KDM4B: variants seen among roughly 807,000 people sequenced by gnomAD.
KDM4B encodes the protein lysine demethylase 4B, also known as lysine-specific demethylase 4B.
KDM4B carries 32 observed loss-of-function variants against 125.2 expected under a neutral mutation model. The observed-to-expected ratio is 0.26, with a 90% CI of 0.19 to 0.34. KDM4B has a LOEUF of 0.34. Among genes scored for constraint, KDM4B ranks in the 10% least tolerant of loss-of-function variants. The probability of loss-of-function intolerance (pLI) is 1.00; values close to 1 mark genes in which losing one functional copy is unlikely to be tolerated. For missense variants in KDM4B, 1,190 were observed against 1,577.7 expected (o/e 0.75, Z 4.16); for synonymous variants, 721 against 677.9 (o/e 1.06, Z -0.99).
intron 6 of KDM4B, among the ~76,000 whole-genome samples, chr19:5,065,850 C>T (rs1035822900): frequency 3.3e-5 from 5 of 152,226 alleles, no homozygotes; most frequent in South Asian, 2.1e-4. Flanking sequence ...TGGGGAATGG[C>T]GCGAGCAGAA....
chr19:5,034,494 C>T (rs1042566493), intron 3 of KDM4B, among the ~76,000 whole-genome samples: 5 of 152,222 alleles, frequency 3.3e-5, no homozygotes, highest in East Asian at 1.9e-4. Context: ...ATTGTTTTCA[C>T]GTCTTCTGCT....
At chr19:5,023,851 T>A (rs2036199522) in intron 2 of KDM4B, among the ~76,000 whole-genome samples, 1 of 142,194 alleles carries the variant, frequency 7.0e-6, no homozygotes, top group African/African-American at 2.6e-5. Flanking sequence ...GCAGCCTCGA[T>A]CTCCTGTGCT....
intron 1 of KDM4B, among the ~76,000 whole-genome samples, chr19:4,985,272 C>T (rs558329597): frequency 6.6e-5 from 10 of 152,192 alleles, no homozygotes; most frequent in Admixed American, 2.0e-4. Context: ...TGCAGTGAGC[C>T]GAGATCGCGC....
intron 2 of KDM4B, among the ~76,000 whole-genome samples, chr19:5,027,820 C>T (rs1260485933): frequency 6.6e-6 from 1 of 152,146 alleles, no homozygotes; most frequent in Non-Finnish European, 1.5e-5. Context: ...GGATTACAGG[C>T]GTGAGCCACC....
At chr19:5,056,530 C>T (rs977898157) in intron 6 of KDM4B, among the ~76,000 whole-genome samples, 16 of 151,904 alleles carry the variant, frequency 1.1e-4, no homozygotes, top group East Asian at 5.8e-4. Context: ...CTCAGCCTCA[C>T]GAGTAGCTGA....
chr19:5,019,806 C>T, intron 2 of KDM4B, among the ~76,000 whole-genome samples: 1 of 115,364 alleles, frequency 8.7e-6, no homozygotes, highest in African/African-American at 3.5e-5. Flanking sequence ...CGTTGGTGTG[C>T]AGGTGCTGCT....
rs764986495 is a variant in KDM4B at position 5,100,668 on chromosome 19, G to A, written c.919-9954G>A. Among the ~76,000 whole-genome samples the A allele has an allele frequency of 4.6e-5, 7 of 152,152 alleles. No homozygotes were observed. The South Asian group carries it at 8.3e-4, about 18-fold the overall frequency. ...TGACCTCAAGTGATCCTCTCGCCTC[G>A]GCCTCTCAAAGTGCTGGGATTAAGG... On this transcript the variant is annotated intron_variant, in intron 9 of 22. Transcript: ENST00000159111.
chr19:5,063,667 G>A (rs1464592301), intron 6 of KDM4B, among the ~76,000 whole-genome samples: 1 of 152,236 alleles, frequency 6.6e-6, no homozygotes, highest in African/African-American at 2.4e-5. Flanking sequence ...AGGGACCGTG[G>A]CTCTCTGGTC....
Position 5,138,123 on chromosome 19 carries a change from C to T in KDM4B, c.2550+53C>T, listed in dbSNP as rs1178996941. On this transcript the variant is annotated intron_variant, in intron 18 of 22. Transcript: ENST00000159111. ...TGCCCGTGCCTCTAGGGCTGCCGGCCATGCTCGGCTCCCCACCTGCGCGAT... is the reference window on the plus strand; with the variant it reads ...TGCCCGTGCCTCTAGGGCTGCCGGCTATGCTCGGCTCCCCACCTGCGCGAT... The T allele has an allele frequency of 2.2e-6, 3 of 1,386,388 alleles. No individual in the cohort carries two copies. In the East Asian group the frequency reaches 7.1e-5, roughly 33 times the overall value. 85.9% of individuals were successfully genotyped at this position (1,386,388 alleles called of 1,614,324 possible). A position where few individuals can be genotyped will look rare whatever the true frequency, so the allele number is the denominator to read the frequency against.
chr19:5,058,589 G>C (rs1315145697), intron 6 of KDM4B, among the ~76,000 whole-genome samples: 1 of 151,752 alleles, frequency 6.6e-6, no homozygotes, highest in African/African-American at 2.4e-5. Context: ...TGGGAGCCGG[G>C]GCTGGCTCTG....
At chr19:5,111,621 T>A in intron 10 of KDM4B, 1 of 703,922 alleles carries the variant, frequency 1.4e-6, no homozygotes. Context: ...TTGGCACAGT[T>A]GTCGACAGAT....
intron 10 of KDM4B, chr19:5,111,767 C>CT (rs756818060): frequency 1.3e-6 from 1 of 765,190 alleles, no homozygotes; most frequent in Non-Finnish European, 2.4e-6. Flanking sequence ...GACTTGGCGA[C>CT]TTTGCAGGCC....
Position 5,050,095 on chromosome 19 carries a change from C to G in KDM4B, c.626+2426C>G, listed in dbSNP as rs141073265. ...CGTCTGTCTCCCTCATTACACTGTT[C>G]CGCTTGCATCTGCAGCCGCTTAATT... On this transcript the variant is annotated intron_variant, in intron 6 of 22. Coordinates refer to ENST00000159111, the MANE Select transcript of KDM4B (RefSeq NM_015015.3). Among the ~76,000 whole-genome samples the G allele has an allele frequency of 9.1e-3, 1,383 of 152,348 alleles. 12 individuals carry two copies. Among genetic ancestry groups the G allele is most frequent in the Non-Finnish European group, 0.015 (1,054 of 68,038 alleles).
At chr19:4,976,241 C>G (rs1422311614) in intron 1 of KDM4B, among the ~76,000 whole-genome samples, 2 of 130,426 alleles carry the variant, frequency 1.5e-5, no homozygotes, top group African/African-American at 5.9e-5. Context: ...AAGAGGGAAA[C>G]TCAGTCTCAA....
At position 5,119,851 on chromosome 19, in the gene KDM4B, AG is replaced by A; in HGVS notation, c.1315+1del. 1 of 1,546,320 alleles carries A rather than the reference AG, an allele frequency of 6.5e-7. No individual in the cohort carries two copies. The highest frequency in any genetic ancestry group is 1.2e-5 in the South Asian group (1 of 83,780). ...ACGGCCGGGAGGCCGAGGGCGCAGA[AG>A]GTCAGTCCCTGCCGGGCCAGGCCTG... ...PHGREAEGAE[E>X]DGRGKLRPTK... is the part of the protein sequence containing the mutation. On this transcript the variant is annotated frameshift_variant and splice_region_variant, in exon 11 of 23. Transcript: ENST00000159111. LOFTEE classifies it high-confidence loss of function.
intron 2 of KDM4B, among the ~76,000 whole-genome samples, chr19:5,017,810 A>G (rs528646052): frequency 8.6e-5 from 13 of 151,774 alleles, no homozygotes; most frequent in South Asian, 4.2e-4. Flanking sequence ...GCGTGATCTC[A>G]GCTCACTGCA....
chr19:5,002,688 C>G (rs970902141), intron 1 of KDM4B, among the ~76,000 whole-genome samples: 1 of 149,398 alleles, frequency 6.7e-6, no homozygotes, highest in African/African-American at 2.5e-5. Flanking sequence ...TAGCTGGGCA[C>G]GGTGGCTTAC....
At chr19:5,045,072 A>G (rs1487830472) in intron 5 of KDM4B, among the ~76,000 whole-genome samples, 1 of 152,202 alleles carries the variant, frequency 6.6e-6, no homozygotes, top group Non-Finnish European at 1.5e-5. Flanking sequence ...CAAGGAGTAC[A>G]GTTGCTGGAC....
At chr19:4,994,729 C>T (rs2035146365) in intron 1 of KDM4B, among the ~76,000 whole-genome samples, 1 of 151,982 alleles carries the variant, frequency 6.6e-6, no homozygotes, top group Non-Finnish European at 1.5e-5. Flanking sequence ...TGGATTTGTA[C>T]CTGCCATTTC....
Sources: allele counts gnomAD v4.1 joint callset (sites outside exome capture counted in the v4.1 genomes callset), GRCh38; gene constraint gnomAD v4.1.1; transcripts MANE v1.5; gene names NCBI Gene and HGNC (gene_info 2026-07-23, HGNC 2026-07-21).